The following ADARB1 variants were observed in gnomAD, a reference collection of about 807,000 sequenced individuals.
The protein encoded by ADARB1 is adenosine deaminase RNA specific B1, also known as double-stranded RNA-specific editase 1.
Under a neutral mutation model 52.4 loss-of-function variants are expected in ADARB1, and 10 were observed. That is an observed-to-expected ratio of 0.19 (90% confidence interval 0.12 to 0.32). The LOEUF (loss-of-function observed/expected upper bound fraction) is 0.32, where lower values mean the gene tolerates loss of function less well. Among genes scored for constraint, ADARB1 ranks in the 10% least tolerant of loss-of-function variants. ADARB1 has a pLI of 1.00. For synonymous variants in ADARB1, 349 were observed against 371.1 expected (o/e 0.94, Z 0.68); for missense variants, 643 against 922.3 (o/e 0.70, Z 3.92).
chr21:45,224,608 G>GA lies in ADARB1; in HGVS notation c.*2412dup. On this transcript the variant is annotated 3_prime_UTR_variant, in exon 11 of 11. Transcript: ENST00000348831. ...GGGGCTACTGGGGGGCGGCTGTGAG[G>GA]AGGAGTTGGGTTCAGGGAGCCCTGG... 7 of 751,666 alleles carry GA rather than the reference G, an allele frequency of 9.3e-6. No homozygotes were observed. Among genetic ancestry groups the GA allele is most frequent in the African/African-American group, 4.2e-5 (1 of 23,874 alleles). The allele number at this position is 751,666 out of a possible 1,614,324, so 46.6% of individuals were successfully genotyped here. A position where few individuals can be genotyped will look rare whatever the true frequency, so the allele number is the denominator to read the frequency against.
At chr21:45,213,581 G>C (rs183695242) in intron 9 of ADARB1, among the ~76,000 whole-genome samples, 1 of 152,190 alleles carries the variant, frequency 6.6e-6, no homozygotes, top group East Asian at 1.9e-4. Context: ...CCCATCCCCA[G>C]TATGTACCAT....
At chr21:45,162,333 T>A (rs780193902) in intron 2 of ADARB1, among the ~76,000 whole-genome samples, 1 of 152,180 alleles carries the variant, frequency 6.6e-6, no homozygotes, top group Non-Finnish European at 1.5e-5. Flanking sequence ...TGCCTAGGTC[T>A]GCCCGTCTCG....
At position 45,221,112 on chromosome 21, in the gene ADARB1, C is replaced by T. The variant is rs546264995; in HGVS notation, c.1926+98C>T. ...TCCTTAAGTTGTTTCATCATGTCAT[C>T]ATGCACAGCTTCCGAAAACGATCAC... is the stretch of plus-strand genomic sequence containing the variant. On this transcript the variant is annotated intron_variant, in intron 10 of 10. Transcript: ENST00000348831. This position sits in a 1 kb window ranked among gnomAD's most constrained non-coding sequence, Gnocchi z 4.9. 8 of 1,331,604 alleles carry T rather than the reference C, an allele frequency of 6.0e-6. No homozygotes were observed. Among genetic ancestry groups the T allele is most frequent in the Non-Finnish European group, 8.1e-6 (8 of 989,804 alleles). The allele number at this position is 1,331,604 out of a possible 1,614,324, so 82.5% of individuals were successfully genotyped here. A position where few individuals can be genotyped will look rare whatever the true frequency, so the allele number is the denominator to read the frequency against.
At chr21:45,189,261 G>T (rs2092212569) in intron 8 of ADARB1, among the ~76,000 whole-genome samples, 1 of 151,920 alleles carries the variant, frequency 6.6e-6, no homozygotes, top group Admixed American at 6.6e-5. Context: ...TATTCTACAG[G>T]TATTTTCTTT....
chr21:45,093,763 C>G lies in ADARB1; in HGVS notation c.-220+18970C>G, dbSNP rs185874711. 1.4e-3 allele frequency among the ~76,000 whole-genome samples: 220 copies of G among 152,256 alleles called. 1 individual carries two copies. The highest frequency in any genetic ancestry group is 5.1e-3 in the African/African-American group (212 of 41,540). On this transcript the variant is annotated intron_variant, in intron 1 of 10. Coordinates refer to ENST00000348831, the MANE Select transcript of ADARB1 (RefSeq NM_001112.4). Reference sequence around the variant, plus strand: ...GGAGGCTGATGCTTCCGGCCAAGGGCTTCTTCTGGATTTTCAGATAAAGTC... The same window carrying G: ...GGAGGCTGATGCTTCCGGCCAAGGGGTTCTTCTGGATTTTCAGATAAAGTC...
Position 45,225,002 on chromosome 21 carries a change from C to A in ADARB1, c.*2805C>A. The A allele has an allele frequency of 1.0e-6, 1 of 985,390 alleles. No homozygotes were observed. The highest frequency in any genetic ancestry group is 1.2e-6 in the Non-Finnish European group (1 of 829,950). The allele number at this position is 985,390 out of a possible 1,614,324, so 61.0% of individuals were successfully genotyped here. On this transcript the variant is annotated 3_prime_UTR_variant, in exon 11 of 11. Transcript: ENST00000348831. ...GCAGAAAATTCGACACAAGCAGGAA[C>A]TTGATTTTTTAAGAAAAAATATTAC...
intron 1 of ADARB1, among the ~76,000 whole-genome samples, chr21:45,099,133 T>G (rs1042390944): frequency 6.6e-6 from 1 of 152,178 alleles, no homozygotes; most frequent in Non-Finnish European, 1.5e-5. Flanking sequence ...ATAGCCTGAA[T>G]GGGATTTTCA....
intron 2 of ADARB1, among the ~76,000 whole-genome samples, chr21:45,149,045 C>T (rs2090150202): frequency 6.6e-6 from 1 of 152,216 alleles, no homozygotes; most frequent in Non-Finnish European, 1.5e-5. Context: ...ATCACCTCAG[C>T]GTGAAAGGCC....
intron 1 of ADARB1, among the ~76,000 whole-genome samples, chr21:45,107,342 A>G (rs1347972374): frequency 6.6e-6 from 1 of 152,244 alleles, no homozygotes; most frequent in Non-Finnish European, 1.5e-5. Context: ...AAAAAGACTC[A>G]GCTTTTTTTT....
intron 2 of ADARB1, among the ~76,000 whole-genome samples, chr21:45,150,947 C>T (rs140233998): frequency 6.6e-6 from 1 of 152,310 alleles, no homozygotes; most frequent in East Asian, 1.9e-4. Context: ...ACTTACAGGT[C>T]CTGAGCAGGG....
At chr21:45,169,271 T>A (rs1006862758) in intron 2 of ADARB1, among the ~76,000 whole-genome samples, 4 of 152,226 alleles carry the variant, frequency 2.6e-5, no homozygotes, top group Non-Finnish European at 5.9e-5. Flanking sequence ...AAGGGGACTC[T>A]GGGGTTGTCC....
intron 1 of ADARB1, among the ~76,000 whole-genome samples, chr21:45,124,769 G>GAT (rs10675866): frequency 8.1e-5 from 12 of 148,346 alleles, no homozygotes; most frequent in East Asian, 4.0e-4. Context: ...TTTAAATGGT[G>GAT]TGTGTGTGTG....
chr21:45,112,738 T>C (rs947470282), intron 1 of ADARB1, among the ~76,000 whole-genome samples: 1 of 152,148 alleles, frequency 6.6e-6, no homozygotes, highest in African/African-American at 2.4e-5. Flanking sequence ...GATTTACTGC[T>C]TGAACAGGGA....
chr21:45,220,760 GT>G lies in ADARB1; in HGVS notation c.1748-75del. ...ACTTCTGTGGCCATGTCTGAGCACAGTGTGCCGCCCGTGGCTGCTCCCTCCC... is the reference window on the plus strand; with the variant it reads ...ACTTCTGTGGCCATGTCTGAGCACAGGTGCCGCCCGTGGCTGCTCCCTCCC... On this transcript the variant is annotated intron_variant, in intron 9 of 10. Coordinates refer to ENST00000348831, the MANE Select transcript of ADARB1 (RefSeq NM_001112.4). This position sits in a 1 kb window ranked among gnomAD's most constrained non-coding sequence, Gnocchi z 6.3. The G allele has an allele frequency of 2.6e-6, 4 of 1,519,410 alleles. No individual in the cohort carries two copies. The highest frequency in any genetic ancestry group is 3.6e-6 in the Non-Finnish European group (4 of 1,108,692). The allele number at this position is 1,519,410 out of a possible 1,614,324, so 94.1% of individuals were successfully genotyped here.
At chr21:45,180,958 C>T (rs917848689) in intron 5 of ADARB1, among the ~76,000 whole-genome samples, 11 of 152,158 alleles carry the variant, frequency 7.2e-5, no homozygotes, top group Non-Finnish European at 1.5e-4. Flanking sequence ...CCCCCGAGTC[C>T]TCTCCCCACA....
At chr21:45,134,707 TA>T (rs2089261447) in intron 2 of ADARB1, 5 of 460,858 alleles carry the variant, frequency 1.1e-5, no homozygotes, top group Admixed American at 2.6e-5. Context: ...TTTTTTTTTT[TA>T]CACAAGATGA....
At position 45,204,867 on chromosome 21, in the gene ADARB1, G is replaced by C. The variant is rs2092635419; in HGVS notation, c.1747+131G>C. ...AAGAACATCAGAGTCCTTCTAAAGA[G>C]ACCCAAGGTGATGTTTCTGAGGCTC... On this transcript the variant is annotated intron_variant, in intron 9 of 10. Transcript: ENST00000348831. The surrounding 1 kb of genome is among the most constrained non-coding windows in gnomAD (Gnocchi z 4.4). The C allele has an allele frequency of 1.0e-6, 1 of 983,560 alleles. No homozygotes were observed. Among genetic ancestry groups the C allele is most frequent in the Non-Finnish European group, 1.5e-6 (1 of 687,096 alleles). The allele number at this position is 983,560 out of a possible 1,614,324, so 60.9% of individuals were successfully genotyped here.
At chr21:45,147,698 T>A (rs570576111) in intron 2 of ADARB1, among the ~76,000 whole-genome samples, 1 of 152,298 alleles carries the variant, frequency 6.6e-6, no homozygotes, top group Non-Finnish European at 1.5e-5. Context: ...CCCAGAGCTG[T>A]GGGTCGTGCC....
At chr21:45,098,777 C>T (rs1441362515) in intron 1 of ADARB1, among the ~76,000 whole-genome samples, 1 of 152,182 alleles carries the variant, frequency 6.6e-6, no homozygotes, top group African/African-American at 2.4e-5. Flanking sequence ...CTCTTAGCCT[C>T]CTTTCGAGCA....
Sources: allele counts gnomAD v4.1 joint callset (sites outside exome capture counted in the v4.1 genomes callset), GRCh38; gene constraint gnomAD v4.1.1; non-coding constraint Gnocchi (gnomAD v3.1); transcripts MANE v1.5; gene names NCBI Gene and HGNC (gene_info 2026-07-23, HGNC 2026-07-21).